DACT3: variants seen among roughly 807,000 people sequenced by gnomAD.
The protein encoded by DACT3 is dishevelled binding antagonist of beta catenin 3.
In DACT3, 5 loss-of-function variants were observed where a neutral mutation model predicts 19.6. The ratio of observed to expected loss-of-function variants is 0.26; its 90% CI spans 0.13 to 0.54. The LOEUF is 0.54. Among genes scored for constraint, DACT3 ranks in the 20% least tolerant of loss-of-function variants. DACT3 has a pLI of 0.95. For synonymous variants in DACT3, 454 were observed against 428.1 expected (o/e 1.06, Z -0.75); for missense variants, 908 against 927.4 (o/e 0.98, Z 0.27).
At position 46,648,742 on chromosome 19, in the gene DACT3, C is replaced by A. The variant is rs767881568; in HGVS notation, c.1630G>T (p.Gly544Cys). 1 of 1,588,414 alleles carries A rather than the reference C, an allele frequency of 6.3e-7. No individual in the cohort carries two copies. Among genetic ancestry groups the A allele is most frequent in the Non-Finnish European group, 8.5e-7 (1 of 1,172,602 alleles). Reference protein sequence around the residue: ...RRGPAGGVGGGYGESESSASE... With the variant: ...RRGPAGGVGGCYGESESSASE... ...GCGCTCGATTCGCTCTCCCCGTAAC[C>A]CCCGCCGACGCCTCCCGCAGGCCCC... The change falls in exon 4 of 4, where the codon GGT becomes TGT. Residue 544 changes from glycine (G) to cysteine (C), a missense_variant. Gly to Cys is a radical substitution (Grantham distance 159, BLOSUM62 -3). Transcript: ENST00000391916. This position sits in a 1 kb window ranked among gnomAD's most constrained non-coding sequence, Gnocchi z 5.1.
intron 3 of DACT3, 198 bp from the exon 4 acceptor site, chr19:46,650,070 C>CAGGACAAGTCACGCAGG: frequency 2.2e-6 from 1 of 452,028 alleles, no homozygotes; most frequent in Non-Finnish European, 3.4e-6. Flanking sequence ...CAAGACCCTG[C>CAGGACAAGTCACGCAGG]GTGACTTGTC....
intron 1 of DACT3, among the ~76,000 whole-genome samples, chr19:46,657,923 A>T (rs2053044938): frequency 6.6e-6 from 1 of 151,938 alleles, no homozygotes; most frequent in Non-Finnish European, 1.5e-5. Flanking sequence ...GTGATGGTGC[A>T]TGCCTGTAAT....
chr19:46,649,920 C>A, intron 3 of DACT3, 48 bp from the exon 4 acceptor site: 1 of 1,316,708 alleles, frequency 7.6e-7, no homozygotes, highest in Non-Finnish European at 9.7e-7. Context: ...AGTGGAGGGG[C>A]TCTCAAAGTC....
chr19:46,654,476 A>T, intron 1 of DACT3: 1 of 904,248 alleles, frequency 1.1e-6, no homozygotes, highest in Non-Finnish European at 1.3e-6. Flanking sequence ...ACACAGCAAG[A>T]CTGACAAAAA....
chr19:46,661,117 G>C lies in DACT3; in HGVS notation c.-53C>G, dbSNP rs1332017654. On this transcript the variant is annotated 5_prime_UTR_variant, in exon 1 of 4. Transcript: ENST00000391916. The stretch of plus-strand genomic sequence containing the variant: ...CGGGCCCCGCGGCCACCCCTCTCCC[G>C]GTCCCACCTCCCCGCCCCAGCAGCC... The C allele has an allele frequency of 7.6e-7, 1 of 1,323,798 alleles. No individual in the cohort carries two copies. Among genetic ancestry groups the C allele is most frequent in the African/African-American group, 1.7e-5 (1 of 58,176 alleles). The allele number at this position is 1,323,798 out of a possible 1,614,324, so 82.0% of individuals were successfully genotyped here. A position where few individuals can be genotyped will look rare whatever the true frequency, so the allele number is the denominator to read the frequency against.
Position 46,649,403 on chromosome 19 carries a change from G to C in DACT3, c.969C>G (p.Ala323=). 1 of 1,287,516 alleles carries C rather than the reference G, an allele frequency of 7.8e-7. No homozygotes were observed. Among genetic ancestry groups the C allele is most frequent in the Non-Finnish European group, 9.9e-7 (1 of 1,007,822 alleles). 79.8% of individuals were successfully genotyped at this position (1,287,516 alleles called of 1,614,324 possible). A position where few individuals can be genotyped will look rare whatever the true frequency, so the allele number is the denominator to read the frequency against. ...HPTSPAALSR[A]WASSWESEAA... is the part of the protein sequence containing the mutation. Reference sequence around the variant, plus strand: ...CCTCCGACTCCCACGACGACGCCCAGGCGCGGCTCAAGGCGGCAGGGCTGG... The same window carrying C: ...CCTCCGACTCCCACGACGACGCCCACGCGCGGCTCAAGGCGGCAGGGCTGG... Residue 323 remains alanine, a synonymous_variant, in exon 4 of 4, where the codon GCC becomes GCG. Coordinates refer to ENST00000391916, the MANE Select transcript of DACT3 (RefSeq NM_145056.3).
At chr19:46,657,657 A>C (rs1858433961) in intron 1 of DACT3, among the ~76,000 whole-genome samples, 1 of 150,936 alleles carries the variant, frequency 6.6e-6, no homozygotes, top group South Asian at 2.1e-4. Context: ...CCGGCCAATG[A>C]GTTTCTTTTG....
At position 46,649,399 on chromosome 19, in the gene DACT3, C is replaced by A. The variant is rs2122437916; in HGVS notation, c.973G>T (p.Ala325Ser). The change falls in exon 4 of 4, where the codon GCG (alanine) becomes TCG (serine). Residue 325 changes from alanine (A) to serine (S), a missense_variant. Transcript: ENST00000391916. Reference protein sequence around the residue: ...TSPAALSRAWASSWESEAAPE... With the variant: ...TSPAALSRAWSSSWESEAAPE... ...GCCGCCTCCGACTCCCACGACGACG[C>A]CCAGGCGCGGCTCAAGGCGGCAGGG... The A allele has an allele frequency of 7.8e-7, 1 of 1,287,352 alleles. No individual in the cohort carries two copies. Among genetic ancestry groups the A allele is most frequent in the African/African-American group, 1.6e-5 (1 of 63,430 alleles). 79.7% of individuals were successfully genotyped at this position (1,287,352 alleles called of 1,614,324 possible).
chr19:46,655,797 G>A (rs1160850887), intron 1 of DACT3, among the ~76,000 whole-genome samples: 1 of 151,886 alleles, frequency 6.6e-6, no homozygotes, highest in African/African-American at 2.4e-5. Flanking sequence ...TGGGCTGGGT[G>A]TGGTGGCTTA....
At position 46,649,820 on chromosome 19, in the gene DACT3, C is replaced by G; in HGVS notation, c.552G>C (p.Pro184=). 7.0e-7 allele frequency: 1 copy of G among 1,425,086 alleles called. No homozygotes were observed. The highest frequency in any genetic ancestry group is 9.1e-7 in the Non-Finnish European group (1 of 1,095,798). The allele number at this position is 1,425,086 out of a possible 1,614,324, so 88.3% of individuals were successfully genotyped here. Residue 184 remains proline (P), a synonymous_variant, in exon 4 of 4, where the codon CCG becomes CCC. Coordinates refer to ENST00000391916, the MANE Select transcript of DACT3 (RefSeq NM_145056.3). ...PEVVGARAAV[P]RSFSAPYPTA... is the part of the protein sequence containing the mutation. ...TCGGGTAGGGCGCTGAGAAGGACCG[C>G]GGCACCGCTGCCCGCGCGCCCACCA...
At chr19:46,659,241 G>C (rs2053055472) in intron 1 of DACT3, 4 of 985,376 alleles carry the variant, frequency 4.1e-6, no homozygotes, top group Non-Finnish European at 4.8e-6. Context: ...GAGACTGGGG[G>C]GTGGGGGGAC....
rs2052942671 is a variant in DACT3 at position 46,648,662 on chromosome 19, G to A, written c.1710C>T (p.Ser570=). The A allele has an allele frequency of 6.2e-7, 1 of 1,612,176 alleles. No individual in the cohort carries two copies. Among genetic ancestry groups the A allele is most frequent in the African/African-American group, 1.3e-5 (1 of 74,902 alleles). The change falls in exon 4 of 4, where the codon AGC becomes AGT. Residue 570 remains serine (S), a synonymous_variant. Coordinates refer to ENST00000391916, the MANE Select transcript of DACT3 (RefSeq NM_145056.3). The surrounding 1 kb of genome is among the most constrained non-coding windows in gnomAD (Gnocchi z 5.1). The part of the protein sequence containing the change: ...FSSASSDSDG[S]GGLVWPQQLV... ...GCTGCTGCGGCCACACGAGGCCACC[G>A]CTGCCGTCTGAGTCGCTGGAGGCAG... is the stretch of plus-strand genomic sequence containing the variant.
Position 46,649,855 on chromosome 19 carries a change from C to G in DACT3, c.517G>C (p.Ala173Pro). 1 of 1,401,554 alleles carries G rather than the reference C, an allele frequency of 7.1e-7. No individual in the cohort carries two copies. Among genetic ancestry groups the G allele is most frequent in the South Asian group, 1.5e-5 (1 of 68,766 alleles). The allele number at this position is 1,401,554 out of a possible 1,614,324, so 86.8% of individuals were successfully genotyped here. Residue 173 changes from alanine to proline, a missense_variant, in exon 4 of 4, where the codon GCT becomes CCT. By Grantham distance (27) the Ala-to-Pro change is conservative. Around this residue, in one of 2 missense-constraint regions of DACT3, gnomAD observed 252 missense variants for 325.6 expected, o/e 0.77. Transcript: ENST00000391916. The part of the protein sequence containing the change: ...PKSLGDASPS[A>P]PEVVGARAAV... Reference sequence around the variant, plus strand: ...GCCCGCGCGCCCACCACCTCCGGAGCGCTGGGACTGGCGTCTCCTAGGGAA... The same window carrying G: ...GCCCGCGCGCCCACCACCTCCGGAGGGCTGGGACTGGCGTCTCCTAGGGAA...
intron 2 of DACT3, 28 bp from the exon 3 acceptor site, chr19:46,652,840 T>C (rs1169613131): frequency 3.2e-6 from 5 of 1,545,348 alleles, no homozygotes; most frequent in Non-Finnish European, 3.5e-6. Flanking sequence ...GCAGAGAGAC[T>C]TCAGGGGGTT....
chr19:46,649,099 G>A lies in DACT3; in HGVS notation c.1273C>T (p.Gln425Ter). ...CGGCCCAGCAGGCTGGTCTCAGACTGGGAGCGCGAGGCCTTGCGGGCCCTG... is the reference window on the plus strand; with the variant it reads ...CGGCCCAGCAGGCTGGTCTCAGACTAGGAGCGCGAGGCCTTGCGGGCCCTG... ...SPRARKASRS[Q>*]SETSLLGRAS... Residue 425 changes from glutamine to a stop codon, truncating the protein, a stop_gained, in exon 4 of 4, where the codon CAG (glutamine) becomes TAG (stop). Coordinates refer to ENST00000391916, the MANE Select transcript of DACT3 (RefSeq NM_145056.3). LOFTEE classifies it low-confidence loss of function (END_TRUNC). The A allele has an allele frequency of 7.7e-7, 1 of 1,298,390 alleles. No homozygotes were observed. Among genetic ancestry groups the A allele is most frequent in the Non-Finnish European group, 9.8e-7 (1 of 1,024,716 alleles). 80.4% of individuals were successfully genotyped at this position (1,298,390 alleles called of 1,614,324 possible). A position where few individuals can be genotyped will look rare whatever the true frequency, so the allele number is the denominator to read the frequency against.
rs151152236 is a variant in DACT3, at chr19:46,652,945, C to T, written c.346+34G>A. Reference sequence around the variant, plus strand: ...AGGGATACGGGGAACATGGAGGCGTCCCAGGCAAACCCTACCCCTCCATCC... The same window carrying T: ...AGGGATACGGGGAACATGGAGGCGTTCCAGGCAAACCCTACCCCTCCATCC... On this transcript the variant is annotated intron_variant, in intron 2 of 3. Coordinates refer to ENST00000391916, the MANE Select transcript of DACT3 (RefSeq NM_145056.3). The T allele has an allele frequency of 1.3e-4, 201 of 1,548,568 alleles. No individual in the cohort carries two copies. In the East Asian group the frequency reaches 4.5e-3, roughly 35 times the overall value.
chr19:46,655,925 C>CTCTCTA lies in DACT3; in HGVS notation c.250-2851_250-2850insTAGAGA, dbSNP rs980735397. On this transcript the variant is annotated intron_variant, in intron 1 of 3. Coordinates refer to ENST00000391916, the MANE Select transcript of DACT3 (RefSeq NM_145056.3). ...AGTCTCTCTCTCTCTCTCTCTCTCT[C>CTCTCTA]TATATATATATATATATATATACAC... is the stretch of plus-strand genomic sequence containing the variant. Among the ~76,000 whole-genome samples the CTCTCTA allele has an allele frequency of 5.4e-3, 741 of 137,914 alleles. 3 individuals are homozygous for CTCTCTA. Among genetic ancestry groups the CTCTCTA allele is most frequent in the Middle Eastern group, 0.015 (4 of 264 alleles). The allele number at this position is 137,914 out of a possible 152,430, so 90.5% of individuals were successfully genotyped here. A position where few individuals can be genotyped will look rare whatever the true frequency, so the allele number is the denominator to read the frequency against.
At position 46,655,935 on chromosome 19, in the gene DACT3, A is replaced by C. The variant is rs537091882; in HGVS notation, c.250-2860T>G. ...TCTCTCTCTCTCTCTCTATATATAT[A>C]TATATATATATACACAAACACACAT... On this transcript the variant is annotated intron_variant, in intron 1 of 3. Coordinates refer to ENST00000391916, the MANE Select transcript of DACT3 (RefSeq NM_145056.3). Among the ~76,000 whole-genome samples the C allele has an allele frequency of 1.1e-3, 160 of 142,172 alleles. 1 individual carries two copies. Among genetic ancestry groups the C allele is most frequent in the African/African-American group, 2.3e-3 (87 of 37,136 alleles). 93.3% of individuals were successfully genotyped at this position (142,172 alleles called of 152,430 possible).
chr19:46,660,304 C>A lies in DACT3; in HGVS notation c.249+512G>T. Reference sequence around the variant, plus strand: ...CCCTGAGATTCCCCTCCTCCCACCCCGCCCCCTCCAGAGATCTCCAAGCAC... The same window carrying A: ...CCCTGAGATTCCCCTCCTCCCACCCAGCCCCCTCCAGAGATCTCCAAGCAC... On this transcript the variant is annotated intron_variant, in intron 1 of 3. Coordinates refer to ENST00000391916, the MANE Select transcript of DACT3 (RefSeq NM_145056.3). The surrounding 1 kb of genome is among the most constrained non-coding windows in gnomAD (Gnocchi z 4.9). The A allele has an allele frequency of 6.5e-6, 1 of 152,900 alleles. No homozygotes were observed. 9.5% of individuals were successfully genotyped at this position (152,900 alleles called of 1,614,324 possible).
Sources: gnomAD v4.1 joint callset for allele counts (sites outside exome capture counted in the v4.1 genomes callset) on GRCh38, gnomAD v4.1.1 for gene constraint, gnomAD v4.1.1 regional missense constraint, Gnocchi (gnomAD v3.1) non-coding constraint, MANE v1.5 for transcripts, NCBI Gene and HGNC (gene_info 2026-07-23, HGNC 2026-07-21) for gene names.